Variants in TEX14 observed in about 807,000 individuals in gnomAD.
TEX14 encodes the protein testis expressed 14, intercellular bridge forming factor, also known as inactive serine/threonine-protein kinase TEX14.
A neutral mutation model predicts 178.6 loss-of-function variants in TEX14; 168 were observed. The observed-to-expected ratio is 0.94, with a 90% confidence interval of 0.83 to 1.07. TEX14 has a LOEUF of 1.07. Among genes scored for constraint, TEX14 ranks in the 50% least tolerant of loss-of-function variants. The pLI is 0.00. For synonymous variants in TEX14, 626 were observed against 634.1 expected, an observed-to-expected ratio of 0.99 and a Z score of 0.19; for missense variants, 1,730 against 1,753.6, an observed-to-expected ratio of 0.99 and a Z score of 0.24.
chr17:58,665,369 T>A (rs2047186038), intron 1 of TEX14, among the ~76,000 whole-genome samples: 1 of 150,888 alleles, frequency 6.6e-6, no homozygotes, highest in Admixed American at 6.6e-5. Context: ...TTTGGGAGGC[T>A]GAGGCAGGAT....
At chr17:58,577,849 C>G (rs370457067) in intron 20 of TEX14, among the ~76,000 whole-genome samples, 2 of 152,210 alleles carry the variant, frequency 1.3e-5, no homozygotes, top group South Asian at 2.1e-4. Context: ...TAAACAGCCC[C>G]GAACTCTAAC....
At chr17:58,644,832 G>A (rs2046663490) in intron 2 of TEX14, among the ~76,000 whole-genome samples, 1 of 149,170 alleles carries the variant, frequency 6.7e-6, no homozygotes, top group Non-Finnish European at 1.5e-5. Flanking sequence ...TGAATTTTTA[G>A]TAGAGACAGG....
chr17:58,564,789 A>T, intron 28 of TEX14, 80 bp downstream of exon 28: 1 of 816,808 alleles, frequency 1.2e-6, no homozygotes, highest in Non-Finnish European at 1.9e-6. Context: ...TTTCTTTCTT[A>T]TTTGTCAATA....
chr17:58,565,743 T>C lies in TEX14; in HGVS notation c.3964+4A>G. The C allele has an allele frequency of 2.5e-6, 4 of 1,602,786 alleles. No individual in the cohort carries two copies. Among genetic ancestry groups the C allele is most frequent in the South Asian group, 1.1e-5 (1 of 88,836 alleles). On this transcript the variant is annotated splice_donor_region_variant and intron_variant, in intron 27 of 31. Coordinates refer to ENST00000349033, the MANE Select transcript of TEX14 (RefSeq NM_031272.5). The stretch of plus-strand genomic sequence containing the variant: ...GATGAAAACAATCTAGGTAGTTCAC[T>C]TACCATTTGCAGTGCCTCCTCCATC...
chr17:58,585,298 T>C (rs1265801667), intron 18 of TEX14, among the ~76,000 whole-genome samples: 1 of 152,200 alleles, frequency 6.6e-6, no homozygotes, highest in Non-Finnish European at 1.5e-5. Context: ...CTGGATCTGT[T>C]TGCCTGTGGG....
chr17:58,585,525 T>C (rs1403145515), intron 18 of TEX14, among the ~76,000 whole-genome samples: 1 of 150,374 alleles, frequency 6.7e-6, no homozygotes, highest in African/African-American at 2.5e-5. Context: ...CACTGCAACC[T>C]CCACCTCTCA....
At position 58,613,481 on chromosome 17, in the gene TEX14, T is replaced by C. The variant is rs114676314; in HGVS notation, c.945A>G (p.Lys315=). The C allele has an allele frequency of 9.3e-6, 15 of 1,614,036 alleles. No individual in the cohort carries two copies. Among genetic ancestry groups the C allele is most frequent in the Non-Finnish European group, 1.3e-5 (15 of 1,179,996 alleles). The change falls in exon 9 of 32, where the codon AAA becomes AAG. Residue 315 remains lysine, a synonymous_variant. Transcript: ENST00000349033. ...TGATGCGCTCGTACACAAGGCGGGT[T>C]TTCTCTAGGTCCTGGGAGAGACACA... ...MAVCLSQDLE[K]TRLVYERITI...
chr17:58,576,035 T>C lies in TEX14; in HGVS notation c.3320+1340A>G, dbSNP rs552650431. On this transcript the variant is annotated intron_variant, in intron 21 of 31. Transcript: ENST00000349033. ...AGAGTGCCTGGCATATGCTAGATATTTAGGAAATACTAGCTACAATAATTA... is the reference window on the plus strand; with the variant it reads ...AGAGTGCCTGGCATATGCTAGATATCTAGGAAATACTAGCTACAATAATTA... 3.3e-5 allele frequency among the ~76,000 whole-genome samples: 5 copies of C among 152,320 alleles called. No individual in the cohort carries two copies. The South Asian group carries it at 1.0e-3, about 32-fold the overall frequency.
chr17:58,567,052 A>G (rs1325035592), intron 26 of TEX14, among the ~76,000 whole-genome samples: 1 of 151,864 alleles, frequency 6.6e-6, no homozygotes, highest in African/African-American at 2.4e-5. Context: ...CTGTAATCCC[A>G]GCTACTCGGG....
chr17:58,614,856 C>T (rs967139664), intron 8 of TEX14, among the ~76,000 whole-genome samples: 2 of 152,230 alleles, frequency 1.3e-5, no homozygotes, highest in Admixed American at 6.5e-5. Flanking sequence ...TTAAGCAAGC[C>T]ATGCTCTATG....
intron 22 of TEX14, 128 bp from the exon 23 acceptor site, chr17:58,573,436 G>A: frequency 1.3e-6 from 1 of 758,212 alleles, no homozygotes. Context: ...CAGAATTAGA[G>A]AATATCTTAG....
At chr17:58,683,944 C>T (rs1381897319) in intron 1 of TEX14, among the ~76,000 whole-genome samples, 1 of 125,442 alleles carries the variant, frequency 8.0e-6, no homozygotes, top group Non-Finnish European at 1.7e-5. Flanking sequence ...GCATCCCTGT[C>T]ATCCCAGCTA....
At chr17:58,598,305 A>C (rs7210714) in intron 14 of TEX14, among the ~76,000 whole-genome samples, 33,445 of 143,850 alleles carry the variant, frequency 0.23, 4,142 homozygotes, top group South Asian at 0.34. Context: ...CAGGAACAAA[A>C]CTCTGTCTCC....
At chr17:58,584,457 A>T in intron 19 of TEX14, 43 bp downstream of exon 19, 1 of 1,360,148 alleles carries the variant, frequency 7.4e-7, no homozygotes, top group Non-Finnish European at 1.1e-6. Flanking sequence ...CTATCTTATT[A>T]GATCTTTGGG....
At position 58,623,766 on chromosome 17, in the gene TEX14, AAGG is replaced by A. The variant is rs532965604; in HGVS notation, c.252-757_252-755del. On this transcript the variant is annotated intron_variant, in intron 3 of 31. Coordinates refer to ENST00000349033, the MANE Select transcript of TEX14 (RefSeq NM_031272.5). The stretch of plus-strand genomic sequence containing the variant: ...AAAAAGAAGAAGAAAGAAGGAGAAG[AAGG>A]AGGAGGAGGAGAAGAAGGAGAAGAT... Among the ~76,000 whole-genome samples, 16 of 144,018 alleles carry A rather than the reference AAGG, an allele frequency of 1.1e-4. No homozygotes were observed. In the South Asian group the frequency reaches 2.2e-3, roughly 20 times the overall value. The allele number at this position is 144,018 out of a possible 152,430, so 94.5% of individuals were successfully genotyped here. A position where few individuals can be genotyped will look rare whatever the true frequency, so the allele number is the denominator to read the frequency against.
At chr17:58,596,458 C>A (rs2045284267) in intron 14 of TEX14, among the ~76,000 whole-genome samples, 1 of 151,998 alleles carries the variant, frequency 6.6e-6, no homozygotes, top group Non-Finnish European at 1.5e-5. Flanking sequence ...ATTTTGATAT[C>A]TTTTGTAGAA....
Position 58,585,802 on chromosome 17 carries a change from G to A in TEX14, c.3069C>T (p.Thr1023=). ...CCTGATTCCCGCAAGTGAACTTACT[G>A]GTGAAGCTTCCAAGCCTGGGCTGTC... ...HGRQPRLGSF[T]SIRHPSPRQK... is the part of the protein sequence containing the mutation. Residue 1023 remains threonine, a splice_region_variant and synonymous_variant, in exon 18 of 32, where the codon ACC becomes ACT. Transcript: ENST00000349033. 2 of 1,613,586 alleles carry A rather than the reference G, an allele frequency of 1.2e-6. No homozygotes were observed. Among genetic ancestry groups the A allele is most frequent in the Non-Finnish European group, 1.7e-6 (2 of 1,179,714 alleles).
intron 2 of TEX14, among the ~76,000 whole-genome samples, chr17:58,643,953 C>A (rs73329005): frequency 5.3e-5 from 8 of 150,688 alleles, no homozygotes; most frequent in Admixed American, 1.3e-4. Context: ...CCCGCCCCCC[C>A]CAAATACCTC....
chr17:58,573,450 A>T, intron 22 of TEX14, 142 bp from the exon 23 acceptor site: 1 of 688,278 alleles, frequency 1.5e-6, no homozygotes, highest in Non-Finnish European at 2.5e-6. Context: ...ATCTTAGAAC[A>T]TCTTATGTAT....
Sources: gnomAD v4.1 joint callset for allele counts (sites outside exome capture counted in the v4.1 genomes callset) on GRCh38, gnomAD v4.1.1 for gene constraint, MANE v1.5 for transcripts, NCBI Gene and HGNC (gene_info 2026-07-23, HGNC 2026-07-21) for gene names.